The following CPT2 variants were observed in gnomAD, a reference collection of about 807,000 sequenced individuals.
CPT2 encodes carnitine palmitoyltransferase 2.
A neutral mutation model predicts 48.6 loss-of-function variants in CPT2; 37 were observed. The observed-to-expected ratio is 0.76, with a 90% CI of 0.59 to 1.00. CPT2 has a LOEUF of 1.00. Ranked by LOEUF, CPT2 falls within the 50% of genes least tolerant of loss-of-function variation. CPT2 has a pLI of 0.00. For synonymous variants in CPT2, 319 were observed against 326.9 expected, an observed-to-expected ratio of 0.98 and a Z score of 0.26; for missense variants, 772 against 825.6, an observed-to-expected ratio of 0.94 and a Z score of 0.80.
chr1:53,197,568 AC>A (rs1645331113), intron 1 of CPT2: 1 of 242,966 alleles, frequency 4.1e-6, no homozygotes, highest in Admixed American at 5.4e-5. Flanking sequence ...CACCGCCTTC[AC>A]CCCTGTCACT....
chr1:53,210,163 G>A lies in CPT2; in HGVS notation c.489G>A (p.Leu163=). 6.2e-7 allele frequency: 1 copy of A among 1,614,114 alleles called. No homozygotes were observed. Among genetic ancestry groups the A allele is most frequent in the Non-Finnish European group, 8.5e-7 (1 of 1,180,032 alleles). Residue 163 remains leucine (L), a synonymous_variant, in exon 4 of 5, where the codon CTG becomes CTA. Coordinates refer to ENST00000371486, the MANE Select transcript of CPT2 (RefSeq NM_000098.3). ...TGACTGTTTCTGCCATCCGGTTTCT[G>A]AAGACACTCCGGGCTGGCCTTCTGG... ...TNMTVSAIRF[L]KTLRAGLLEP...
intron 3 of CPT2, chr1:53,209,795 CATT>C (rs1645409748): frequency 1.7e-6 from 1 of 582,834 alleles, no homozygotes; most frequent in African/African-American, 1.9e-5. Context: ...AAAACAAAAA[CATT>C]ATTGTAAGTG....
Position 53,210,895 on chromosome 1 carries a change from C to G in CPT2, c.1221C>G (p.Asp407Glu). 6.2e-7 allele frequency: 1 copy of G among 1,614,214 alleles called. No homozygotes were observed. The highest frequency in any genetic ancestry group is 8.5e-7 in the Non-Finnish European group (1 of 1,180,040). The stretch of plus-strand genomic sequence containing the variant: ...CACAGAGCCAGCCAGCTACCACTGA[C>G]TCTACTGTCACGGTGCAGAAACTCA... The part of the protein sequence containing the change: ...VTPQSQPATT[D>E]STVTVQKLNF... Residue 407 changes from aspartate (D) to glutamate (E), a missense_variant, in exon 4 of 5, where the codon GAC becomes GAG. Transcript: ENST00000371486.
chr1:53,213,745 A>G lies in CPT2; in HGVS notation c.*150A>G. ...GGAGTTTGAGACCAACCTGGCCAACATGGTGAAACCTTGTCTCTACTAAAA... is the reference window on the plus strand; with the variant it reads ...GGAGTTTGAGACCAACCTGGCCAACGTGGTGAAACCTTGTCTCTACTAAAA... On this transcript the variant is annotated 3_prime_UTR_variant, in exon 5 of 5. Transcript: ENST00000371486. The G allele has an allele frequency of 4.3e-6, 3 of 694,276 alleles. No individual in the cohort carries two copies. Among genetic ancestry groups the G allele is most frequent in the East Asian group, 2.7e-5 (1 of 36,374 alleles). 43.0% of individuals were successfully genotyped at this position (694,276 alleles called of 1,614,324 possible).
intron 1 of CPT2, 134 bp from the exon 2 acceptor site, chr1:53,200,585 G>A: frequency 1.3e-6 from 1 of 763,474 alleles, no homozygotes. Flanking sequence ...CATTGATTCT[G>A]ATTTGTCAGT....
chr1:53,210,143 G>A lies in CPT2; in HGVS notation c.469G>A (p.Val157Ile), dbSNP rs748607258. 3.7e-6 allele frequency: 6 copies of A among 1,614,010 alleles called. No homozygotes were observed. The highest frequency in any genetic ancestry group is 1.7e-5 in the Admixed American group (1 of 60,000). ...DQLTRATNMT[V>I]SAIRFLKTLR... is the part of the protein sequence containing the mutation. ...GCTCACCCGGGCAACCAACATGACTGTTTCTGCCATCCGGTTTCTGAAGAC... is the reference window on the plus strand; with the variant it reads ...GCTCACCCGGGCAACCAACATGACTATTTCTGCCATCCGGTTTCTGAAGAC... Residue 157 changes from valine to isoleucine, a missense_variant, in exon 4 of 5, where the codon GTT (valine) becomes ATT (isoleucine). Coordinates refer to ENST00000371486, the MANE Select transcript of CPT2 (RefSeq NM_000098.3).
chr1:53,213,368 C>A lies in CPT2; in HGVS notation c.1750C>A (p.His584Asn). The change falls in exon 5 of 5, where the codon CAC becomes AAC. Residue 584 changes from histidine to asparagine, a missense_variant. Coordinates refer to ENST00000371486, the MANE Select transcript of CPT2 (RefSeq NM_000098.3). ...GGACCCTGCATACGGGCAGATAAAC[C>A]ACAATGTCCTGTCCACGAGCACACT... Reference protein sequence around the residue: ...YLDPAYGQINHNVLSTSTLSS... With the variant: ...YLDPAYGQINNNVLSTSTLSS... 1.2e-6 allele frequency: 2 copies of A among 1,614,232 alleles called. No individual in the cohort carries two copies. The highest frequency in any genetic ancestry group is 1.7e-6 in the Non-Finnish European group (2 of 1,180,050).
rs1645442430 is a variant in CPT2, at chr1:53,213,373, T to C, written c.1755T>C (p.Asn585=). 2 of 1,614,128 alleles carry C rather than the reference T, an allele frequency of 1.2e-6. No homozygotes were observed. The highest frequency in any genetic ancestry group is 1.7e-5 in the Admixed American group (1 of 60,006). The change falls in exon 5 of 5, where the codon AAT becomes AAC. Residue 585 remains asparagine, a synonymous_variant. Transcript: ENST00000371486. ...LDPAYGQINH[N]VLSTSTLSSP... ...CTGCATACGGGCAGATAAACCACAA[T>C]GTCCTGTCCACGAGCACACTGAGCA...
At chr1:53,208,087 G>T (rs1377135160) in intron 3 of CPT2, 1 of 152,170 alleles carries the variant, frequency 6.6e-6, no homozygotes, top group Non-Finnish European at 1.5e-5. Flanking sequence ...TTTGCTAAAG[G>T]GGGGTCAGAG....
chr1:53,197,411 G>T, intron 1 of CPT2: 1 of 451,824 alleles, frequency 2.2e-6, no homozygotes, highest in South Asian at 2.1e-5. Flanking sequence ...CCTGAAAAAT[G>T]CCAGACCTGC....
chr1:53,212,287 A>T (rs1645434065), intron 4 of CPT2, among the ~76,000 whole-genome samples: 1 of 150,266 alleles, frequency 6.7e-6, no homozygotes. Context: ...TTGGTCTCAA[A>T]CTCCTGACCT....
At chr1:53,200,581 T>C (rs1301224994) in intron 1 of CPT2, 138 bp from the exon 2 acceptor site, 5 of 750,670 alleles carry the variant, frequency 6.7e-6, no homozygotes, top group African/African-American at 5.1e-5. Flanking sequence ...AACCCATTGA[T>C]TCTGATTTGT....
intron 2 of CPT2, 105 bp from the exon 3 acceptor site, chr1:53,202,218 T>C (rs1645357731): frequency 2.5e-6 from 2 of 807,644 alleles, no homozygotes; most frequent in Non-Finnish European, 4.3e-6. Flanking sequence ...GTTTTAGGGC[T>C]ATGCTGTTGG....
In CPT2 at chr1:53,210,331, G is replaced by T. The variant is rs773236568; in HGVS notation, c.657G>T (p.Arg219=). The T allele has an allele frequency of 6.2e-7, 1 of 1,614,064 alleles. No individual in the cohort carries two copies. The highest frequency in any genetic ancestry group is 1.1e-5 in the South Asian group (1 of 91,086). ...AYPLDMSQYF[R]LFNSTRLPKP... ...CCCTGGATATGTCCCAGTATTTTCG[G>T]CTTTTCAACTCAACTCGTTTACCCA... The change falls in exon 4 of 5, where the codon CGG becomes CGT. Residue 219 remains arginine, a synonymous_variant. Transcript: ENST00000371486.
Position 53,210,621 on chromosome 1 carries a change from G to C in CPT2, c.947G>C (p.Arg316Thr). ...LMSSGNEESL[R>T]KVDSAVFCLC... ...AGTAGTGGCAATGAGGAGAGCCTGA[G>C]GAAAGTGGACTCGGCAGTGTTCTGT... Residue 316 changes from arginine to threonine, a missense_variant, in exon 4 of 5, where the codon AGG becomes ACG. Physicochemically the swap from Arg to Thr is moderately conservative, Grantham distance 71. Transcript: ENST00000371486. 1 of 1,614,144 alleles carries C rather than the reference G, an allele frequency of 6.2e-7. No individual in the cohort carries two copies. Among genetic ancestry groups the C allele is most frequent in the Non-Finnish European group, 8.5e-7 (1 of 1,180,034 alleles).
rs1208165579 is a variant in CPT2 at position 53,210,889 on chromosome 1, C to T, written c.1215C>T (p.Thr405=). 1 of 1,614,078 alleles carries T rather than the reference C, an allele frequency of 6.2e-7. No homozygotes were observed. Among genetic ancestry groups the T allele is most frequent in the Non-Finnish European group, 8.5e-7 (1 of 1,180,038 alleles). The change falls in exon 4 of 5, where the codon ACC becomes ACT. Residue 405 remains threonine, a synonymous_variant. Coordinates refer to ENST00000371486, the MANE Select transcript of CPT2 (RefSeq NM_000098.3). ...PAVTPQSQPA[T]TDSTVTVQKL... ...TCACTCCACAGAGCCAGCCAGCTACCACTGACTCTACTGTCACGGTGCAGA... is the reference window on the plus strand; with the variant it reads ...TCACTCCACAGAGCCAGCCAGCTACTACTGACTCTACTGTCACGGTGCAGA...
At chr1:53,212,843 C>G (rs541128200) in intron 4 of CPT2, 3 of 443,710 alleles carry the variant, frequency 6.8e-6, no homozygotes, top group South Asian at 6.3e-5. Flanking sequence ...AGATTCGAAC[C>G]CTGGTCAAAC....
Position 53,210,808 on chromosome 1 carries a change from G to A in CPT2, c.1134G>A (p.Val378=). Residue 378 remains valine (V), a synonymous_variant, in exon 4 of 5, where the codon GTG becomes GTA. Transcript: ENST00000371486. The part of the protein sequence containing the change: ...VHFEHSWGDG[V]AVLRFFNEVF... ...TTGAGCACTCTTGGGGTGATGGTGT[G>A]GCAGTGCTCAGATTTTTTAATGAAG... 1 of 1,614,140 alleles carries A rather than the reference G, an allele frequency of 6.2e-7. No homozygotes were observed.
chr1:53,212,717 A>G (rs979580801), intron 4 of CPT2: 2 of 406,782 alleles, frequency 4.9e-6, no homozygotes, highest in Middle Eastern at 6.2e-4. Context: ...TCATGTTGCT[A>G]TGAAGTGCTG....
Sources: gnomAD v4.1 joint callset for allele counts (sites outside exome capture counted in the v4.1 genomes callset) on GRCh38, gnomAD v4.1.1 for gene constraint, MANE v1.5 for transcripts, NCBI Gene and HGNC (gene_info 2026-07-23, HGNC 2026-07-21) for gene names.